Variants in GULP1 observed in about 807,000 individuals in gnomAD.
The protein encoded by GULP1 is GULP PTB domain containing engulfment adaptor 1.
GULP1 carries 19 observed loss-of-function variants against 40.9 expected under a neutral mutation model. The ratio of observed to expected loss-of-function variants is 0.46; its 90% CI spans 0.32 to 0.68. The LOEUF (loss-of-function observed/expected upper bound fraction) is 0.68, where lower values mean the gene tolerates loss of function less well. Ranked by LOEUF, GULP1 falls within the 30% of genes least tolerant of loss-of-function variation. GULP1 has a pLI of 0.03. For missense variants in GULP1, 312 were observed against 362.2 expected (o/e 0.86, Z 1.12); for synonymous variants, 119 against 117.6 (o/e 1.01, Z -0.08).
At chr2:188,297,374 A>G in intron 1 of GULP1, 1 of 417,196 alleles carries the variant, frequency 2.4e-6, no homozygotes, top group Non-Finnish European at 4.8e-6. Flanking sequence ...GAAGTTAGAT[A>G]CTACTGATAA....
intron 1 of GULP1, among the ~76,000 whole-genome samples, chr2:188,302,681 G>A (rs943844079): frequency 8.5e-5 from 13 of 152,150 alleles, no homozygotes; most frequent in African/African-American, 3.1e-4. Context: ...AGGCTCTTGT[G>A]CGTCCTCTTC....
intron 2 of GULP1, among the ~76,000 whole-genome samples, chr2:188,400,504 G>C (rs574045935): frequency 6.6e-6 from 1 of 152,232 alleles, no homozygotes; most frequent in African/African-American, 2.4e-5. Context: ...TGGTGACGAG[G>C]CTAGTGTAAC....
intron 2 of GULP1, among the ~76,000 whole-genome samples, chr2:188,426,142 A>G (rs757638804): frequency 6.6e-6 from 1 of 152,214 alleles, no homozygotes; most frequent in Admixed American, 6.5e-5. Context: ...AAGGCTGGAC[A>G]TATCACAGTG....
At chr2:188,479,209 A>G (rs2061263863) in intron 3 of GULP1, among the ~76,000 whole-genome samples, 1 of 152,060 alleles carries the variant, frequency 6.6e-6, no homozygotes, top group Admixed American at 6.6e-5. Context: ...GTGGCAGAGA[A>G]GATTAATGTA....
intron 1 of GULP1, among the ~76,000 whole-genome samples, chr2:188,368,412 C>T (rs2047094629): frequency 6.6e-6 from 1 of 151,910 alleles, no homozygotes; most frequent in Non-Finnish European, 1.5e-5. Flanking sequence ...GAAACCTCAT[C>T]TCTACTAAAA....
intron 2 of GULP1, among the ~76,000 whole-genome samples, chr2:188,389,494 C>G (rs2152540334): frequency 6.6e-6 from 1 of 152,190 alleles, no homozygotes; most frequent in Middle Eastern, 3.4e-3. Context: ...GATATATGTT[C>G]TTTCTCTAAA....
intron 1 of GULP1, among the ~76,000 whole-genome samples, chr2:188,364,152 A>T (rs755787613): frequency 3.3e-5 from 5 of 152,126 alleles, no homozygotes; most frequent in Admixed American, 2.6e-4. Flanking sequence ...GTGGATTCCT[A>T]TCTGATCATC....
In GULP1 at chr2:188,492,775, C is replaced by T. The variant is rs566180613; in HGVS notation, c.90+9283C>T. The stretch of plus-strand genomic sequence containing the variant: ...TATATATCTATCTCTTTGCCAAAAG[C>T]GATATTAGTTCCTAAAAGGTTGTTT... On this transcript the variant is annotated intron_variant, in intron 4 of 11. Coordinates refer to ENST00000409830, the MANE Select transcript of GULP1 (RefSeq NM_016315.4). 3.3e-5 allele frequency among the ~76,000 whole-genome samples: 5 copies of T among 152,038 alleles called. No individual in the cohort carries two copies. In the South Asian group the frequency reaches 8.3e-4, roughly 25 times the overall value.
chr2:188,391,518 T>C (rs1362450873), intron 2 of GULP1, among the ~76,000 whole-genome samples: 1 of 152,008 alleles, frequency 6.6e-6, no homozygotes, highest in African/African-American at 2.4e-5. Context: ...GGAGAAGTCT[T>C]CATGGTTTTC....
At chr2:188,375,238 G>A (rs2048150393) in intron 1 of GULP1, among the ~76,000 whole-genome samples, 1 of 152,190 alleles carries the variant, frequency 6.6e-6, no homozygotes. Flanking sequence ...CAATTATGGT[G>A]ATACTACAAT....
intron 9 of GULP1, chr2:188,582,626 A>C: frequency 2.4e-6 from 1 of 423,840 alleles, no homozygotes; most frequent in Non-Finnish European, 4.9e-6. Context: ...AAATTCTGCC[A>C]AAATGTGCTA....
In GULP1 at chr2:188,545,399, G is replaced by A. The variant is rs536501785; in HGVS notation, c.399+4081G>A. ...TCTGATGTGATTTTAAATCTGATGT[G>A]ATTTCATATATGGACATGAAATATG... On this transcript the variant is annotated intron_variant, in intron 7 of 11. Coordinates refer to ENST00000409830, the MANE Select transcript of GULP1 (RefSeq NM_016315.4). Among the ~76,000 whole-genome samples the A allele has an allele frequency of 1.1e-4, 17 of 151,934 alleles. No individual in the cohort carries two copies. In the South Asian group the frequency reaches 3.5e-3, roughly 32 times the overall value.
intron 6 of GULP1, among the ~76,000 whole-genome samples, chr2:188,536,615 G>A (rs1308090551): frequency 2.0e-5 from 3 of 151,984 alleles, no homozygotes; most frequent in African/African-American, 4.8e-5. Flanking sequence ...ATCGGGTAAT[G>A]TGATGCCTCC....
chr2:188,516,126 A>G (rs990746773), intron 4 of GULP1, among the ~76,000 whole-genome samples: 1 of 152,044 alleles, frequency 6.6e-6, no homozygotes, highest in African/African-American at 2.4e-5. Flanking sequence ...CCCTCCTGAC[A>G]TATCTGCCCT....
intron 1 of GULP1, among the ~76,000 whole-genome samples, chr2:188,379,813 A>C (rs2048780288): frequency 6.6e-6 from 1 of 152,170 alleles, no homozygotes; most frequent in African/African-American, 2.4e-5. Flanking sequence ...ATCCTTGAAG[A>C]TGGCGTGTTC....
At chr2:188,527,165 G>A (rs1455683873) in intron 5 of GULP1, among the ~76,000 whole-genome samples, 1 of 151,656 alleles carries the variant, frequency 6.6e-6, no homozygotes, top group Non-Finnish European at 1.5e-5. Flanking sequence ...CTTCTCAATA[G>A]ATAAGTTTAA....
At chr2:188,387,457 A>T (rs1191696222) in intron 2 of GULP1, among the ~76,000 whole-genome samples, 1 of 152,220 alleles carries the variant, frequency 6.6e-6, no homozygotes, top group Non-Finnish European at 1.5e-5. Context: ...ACTTTCAATA[A>T]AATATGGCAA....
At chr2:188,297,580 G>A (rs1354624273) in intron 1 of GULP1, 1 of 426,688 alleles carries the variant, frequency 2.3e-6, no homozygotes, top group Non-Finnish European at 4.7e-6. Flanking sequence ...AAGTTCCTGG[G>A]GGAACCATGG....
intron 2 of GULP1, among the ~76,000 whole-genome samples, chr2:188,443,649 G>T (rs2058127364): frequency 6.6e-6 from 1 of 151,076 alleles, no homozygotes; most frequent in Non-Finnish European, 1.5e-5. Context: ...GCTAAAAACT[G>T]ATTTTATAAA....
Sources: allele counts gnomAD v4.1 joint callset (sites outside exome capture counted in the v4.1 genomes callset), GRCh38; gene constraint gnomAD v4.1.1; transcripts MANE v1.5; gene names NCBI Gene and HGNC (gene_info 2026-07-23, HGNC 2026-07-21).